TRIM37: variants seen among roughly 807,000 people sequenced by gnomAD.
The protein encoded by TRIM37 is E3 ubiquitin-protein ligase TRIM37.
A neutral mutation model predicts 129.8 loss-of-function variants in TRIM37; 80 were observed. The observed-to-expected ratio is 0.62, with a 90% CI of 0.51 to 0.74. The LOEUF is 0.74. Ranked by LOEUF, TRIM37 falls within the 30% of genes least tolerant of loss-of-function variation. The pLI, the probability that TRIM37 is intolerant of heterozygous loss-of-function variation, is 0.00. For missense variants in TRIM37, 1,054 were observed against 1,176.5 expected (o/e 0.90, Z 1.52); for synonymous variants, 389 against 387.1 (o/e 1.00, Z -0.06).
At chr17:59,008,808 C>T (rs1198449328) in intron 22 of TRIM37, among the ~76,000 whole-genome samples, 1 of 152,176 alleles carries the variant, frequency 6.6e-6, no homozygotes, top group Non-Finnish European at 1.5e-5. Flanking sequence ...GCCTCTAGTT[C>T]CACATATGCT....
intron 19 of TRIM37, among the ~76,000 whole-genome samples, chr17:59,026,780 G>C (rs1282320886): frequency 6.6e-6 from 1 of 152,048 alleles, no homozygotes; most frequent in African/African-American, 2.4e-5. Context: ...CTACTCCATG[G>C]GAATAGTTCT....
chr17:59,099,327 A>AT (rs1017266535), intron 2 of TRIM37, among the ~76,000 whole-genome samples: 1 of 151,776 alleles, frequency 6.6e-6, no homozygotes, highest in African/African-American at 2.4e-5. Context: ...TAGGTGTACC[A>AT]TTTTTTATCT....
At chr17:59,062,524 A>C (rs1263438690) in intron 11 of TRIM37, 43 bp downstream of exon 11, 2 of 1,511,684 alleles carry the variant, frequency 1.3e-6, no homozygotes, top group Non-Finnish European at 1.8e-6. Context: ...CTCTGAAAGA[A>C]AGACCTTGGT....
At chr17:59,052,781 C>G (rs934941220) in intron 13 of TRIM37, among the ~76,000 whole-genome samples, 2 of 151,900 alleles carry the variant, frequency 1.3e-5, no homozygotes, top group African/African-American at 4.8e-5. Context: ...ATGGTGAAAC[C>G]CCGTCTCTAC....
chr17:59,045,917 G>A (rs1444780675), intron 16 of TRIM37, among the ~76,000 whole-genome samples: 1 of 152,020 alleles, frequency 6.6e-6, no homozygotes, highest in Non-Finnish European at 1.5e-5. Context: ...TCGGGAGGCT[G>A]AGGTGGAAGG....
chr17:59,053,798 C>T (rs1023211153), intron 13 of TRIM37, among the ~76,000 whole-genome samples: 1 of 152,016 alleles, frequency 6.6e-6, no homozygotes. Flanking sequence ...AAAATAATCC[C>T]TCCCCTCAAA....
At chr17:58,974,815 T>C in the TRIM37 span, among the ~76,000 whole-genome samples, 1 of 152,282 alleles carries the variant, frequency 6.6e-6, no homozygotes, top group South Asian at 2.1e-4. Context: ...TCCCACTCTT[T>C]GGGAAGGTGC....
intron 2 of TRIM37, among the ~76,000 whole-genome samples, chr17:59,101,129 C>G (rs1296998874): frequency 6.6e-6 from 1 of 150,782 alleles, no homozygotes; most frequent in African/African-American, 2.4e-5. Flanking sequence ...GGCTTGAAAA[C>G]AAGTAGGCAA....
intron 13 of TRIM37, among the ~76,000 whole-genome samples, chr17:59,055,876 T>C (rs879314861): frequency 6.6e-6 from 1 of 152,094 alleles, no homozygotes; most frequent in Non-Finnish European, 1.5e-5. Flanking sequence ...ATCACCATGA[T>C]GTGAGTTTAC....
intron 14 of TRIM37, among the ~76,000 whole-genome samples, chr17:59,050,126 TA>T (rs1264909431): frequency 6.6e-6 from 1 of 152,164 alleles, no homozygotes; most frequent in Non-Finnish European, 1.5e-5. Context: ...ATTCATCAAT[TA>T]ATCTTCCCCA....
At chr17:59,050,979 C>A (rs1397504277) in intron 14 of TRIM37, among the ~76,000 whole-genome samples, 4 of 151,298 alleles carry the variant, frequency 2.6e-5, no homozygotes, top group Non-Finnish European at 1.5e-5. Context: ...GACTCCTTCT[C>A]AAAAAAAATA....
At chr17:59,029,493 T>TG (rs2037602916) in intron 18 of TRIM37, among the ~76,000 whole-genome samples, 1 of 152,206 alleles carries the variant, frequency 6.6e-6, no homozygotes, top group Non-Finnish European at 1.5e-5. Context: ...TTCAACTAGA[T>TG]TACCTGATAC....
rs312262706 is a variant in TRIM37 at position 59,104,334 on chromosome 17, AC to A, written c.81del (p.Cys28ValfsTer17). The A allele has an allele frequency of 9.3e-6, 15 of 1,614,140 alleles. No individual in the cohort carries two copies. The highest frequency in any genetic ancestry group is 1.3e-5 in the Non-Finnish European group (15 of 1,180,050). ...CAACACAGTTTGGAGCAATGAGGAC[AC>A]AGGCGTGCATCCCGCAATTTCTCCA... ...ICMEKLRDAR[L>X]CPHCSKLCCF... On this transcript the variant is annotated frameshift_variant, in exon 2 of 24. Coordinates refer to ENST00000262294, the MANE Select transcript of TRIM37 (RefSeq NM_015294.6). LOFTEE classifies it high-confidence loss of function.
Position 58,999,145 on chromosome 17 carries a change from T to A in TRIM37, c.*232A>T. 7.4e-7 allele frequency: 1 copy of A among 1,353,512 alleles called. No homozygotes were observed. The highest frequency in any genetic ancestry group is 9.5e-7 in the Non-Finnish European group (1 of 1,051,984). The allele number at this position is 1,353,512 out of a possible 1,614,324, so 83.8% of individuals were successfully genotyped here. On this transcript the variant is annotated 3_prime_UTR_variant, in exon 24 of 24. Transcript: ENST00000262294. Reference sequence around the variant, plus strand: ...TTGCTAAATTAATAGAGAACTACATTGTTATTTCCTTACATTACAAAGAAC... The same window carrying A: ...TTGCTAAATTAATAGAGAACTACATAGTTATTTCCTTACATTACAAAGAAC...
intron 18 of TRIM37, among the ~76,000 whole-genome samples, chr17:59,031,511 A>G (rs919253648): frequency 2.0e-5 from 3 of 152,262 alleles, no homozygotes; most frequent in Non-Finnish European, 4.4e-5. Context: ...ACTGAACATC[A>G]AAGAATGAGT....
Position 59,064,377 on chromosome 17 carries a change from T to G in TRIM37, c.838A>C (p.Thr280Pro). ...SELVPSYDSA[T>P]FVLENFSTLR... ...TACCTGAAATTCTCTAAAACAAAAG[T>G]AGCTGAATCGTAAGATGGCACTAAT... is the stretch of plus-strand genomic sequence containing the variant. Residue 280 changes from threonine (T) to proline (P), a missense_variant, in exon 10 of 24, where the codon ACT (threonine) becomes CCT (proline). Coordinates refer to ENST00000262294, the MANE Select transcript of TRIM37 (RefSeq NM_015294.6). 1 of 1,600,354 alleles carries G rather than the reference T, an allele frequency of 6.2e-7. No homozygotes were observed. Among genetic ancestry groups the G allele is most frequent in the Non-Finnish European group, 8.5e-7 (1 of 1,172,830 alleles).
intron 2 of TRIM37, among the ~76,000 whole-genome samples, chr17:59,101,948 T>A (rs1038065617): frequency 1.3e-5 from 2 of 149,476 alleles, no homozygotes; most frequent in South Asian, 2.1e-4. Context: ...CAAAAAAAAA[T>A]AAAAAATAAA....
chr17:58,992,592 CTGGTCT>C (rs1452043655), intron 24 of TRIM37, among the ~76,000 whole-genome samples: 1 of 152,062 alleles, frequency 6.6e-6, no homozygotes, highest in Non-Finnish European at 1.5e-5. Context: ...GTTGGTCAGG[CTGGTCT>C]CGAACTCCCG....
chr17:59,015,520 A>C, intron 21 of TRIM37, 90 bp downstream of exon 21: 7 of 1,292,180 alleles, frequency 5.4e-6, no homozygotes, highest in Non-Finnish European at 6.7e-6. Flanking sequence ...ACAAGGTAGA[A>C]ATTAATTTGT....
Sources: gnomAD v4.1 joint callset for allele counts (sites outside exome capture counted in the v4.1 genomes callset) on GRCh38, gnomAD v4.1.1 for gene constraint, MANE v1.5 for transcripts, NCBI Gene and HGNC (gene_info 2026-07-23, HGNC 2026-07-21) for gene names.